The following PPARGC1B variants were observed in gnomAD, a reference collection of about 807,000 sequenced individuals.
PPARGC1B encodes peroxisome proliferator-activated receptor gamma coactivator 1-beta.
A neutral mutation model predicts 101.6 loss-of-function variants in PPARGC1B; 34 were observed. That is an observed-to-expected ratio of 0.33 (90% CI 0.25 to 0.45). The LOEUF (loss-of-function observed/expected upper bound fraction) is 0.45. Ranked by LOEUF, PPARGC1B falls within the 20% of genes least tolerant of loss-of-function variation. The pLI is 1.00. For synonymous variants in PPARGC1B, 548 were observed against 539.3 expected (o/e 1.02, Z -0.22); for missense variants, 1,234 against 1,317.6 (o/e 0.94, Z 0.98).
intron 1 of PPARGC1B, among the ~76,000 whole-genome samples, chr5:149,745,269 T>C (rs986314727): frequency 6.6e-6 from 1 of 152,100 alleles, no homozygotes; most frequent in Non-Finnish European, 1.5e-5. Flanking sequence ...GTTAGCCAGC[T>C]CCCAAATGGG....
At chr5:149,810,409 G>A (rs1479500484) in intron 1 of PPARGC1B, among the ~76,000 whole-genome samples, 1 of 152,222 alleles carries the variant, frequency 6.6e-6, no homozygotes, top group Non-Finnish European at 1.5e-5. Context: ...AGGTGGGGTG[G>A]GGGGCCTAGC....
intron 1 of PPARGC1B, chr5:149,732,739 C>T (rs1754549804): frequency 2.1e-6 from 1 of 466,504 alleles, no homozygotes; most frequent in South Asian, 1.6e-5. Flanking sequence ...CAGTGTGCTC[C>T]TCCTTATTTT....
rs565124368 is a variant in PPARGC1B at position 149,842,289 on chromosome 5, T to C, written c.2728T>C (p.Ser910Pro). 6.2e-7 allele frequency: 1 copy of C among 1,614,028 alleles called. No homozygotes were observed. The highest frequency in any genetic ancestry group is 1.1e-5 in the South Asian group (1 of 91,070). ...CCGCGTGGTGTACATTCAAAATCTC[T>C]CCAGCGACATGAGCTCCCGAGAGCT... Reference protein sequence around the residue: ...EGRVVYIQNLSSDMSSRELKR... With the variant: ...EGRVVYIQNLPSDMSSRELKR... Residue 910 changes from serine (S) to proline (P), a missense_variant, in exon 10 of 12, where the codon TCC (serine) becomes CCC (proline). This residue lies in a region of PPARGC1B where 497 missense variants were observed against 529.5 expected (regional missense o/e 0.94). Transcript: ENST00000309241.
chr5:149,797,235 G>T (rs1046021149), intron 1 of PPARGC1B, among the ~76,000 whole-genome samples: 2 of 152,226 alleles, frequency 1.3e-5, no homozygotes, highest in Non-Finnish European at 2.9e-5. Flanking sequence ...TTGACAGTGT[G>T]CCAGGCACTG....
intron 1 of PPARGC1B, among the ~76,000 whole-genome samples, chr5:149,764,229 G>C (rs1335225193): frequency 6.6e-6 from 1 of 152,204 alleles, no homozygotes; most frequent in African/African-American, 2.4e-5. Context: ...AGGGCAGAGG[G>C]GGCCTGGATT....
At chr5:149,789,256 A>G (rs142730133) in intron 1 of PPARGC1B, among the ~76,000 whole-genome samples, 187 of 152,304 alleles carry the variant, frequency 1.2e-3, no homozygotes, top group African/African-American at 4.3e-3. Flanking sequence ...TACTTTAGAC[A>G]TGAATCAACT....
intron 1 of PPARGC1B, among the ~76,000 whole-genome samples, chr5:149,802,071 C>T (rs1045960608): frequency 1.3e-5 from 2 of 152,212 alleles, no homozygotes; most frequent in African/African-American, 4.8e-5. Context: ...CCCCGAGCTC[C>T]TCTGGTTGAC....
intron 1 of PPARGC1B, among the ~76,000 whole-genome samples, chr5:149,812,066 G>A (rs898723763): frequency 2.0e-5 from 3 of 152,220 alleles, no homozygotes; most frequent in Admixed American, 2.0e-4. Context: ...TTGGAGCCCG[G>A]CTGTGAAGGG....
intron 9 of PPARGC1B, 105 bp from the exon 10 acceptor site, chr5:149,842,151 C>T: frequency 1.4e-6 from 2 of 1,425,194 alleles, no homozygotes; most frequent in Non-Finnish European, 1.9e-6. Flanking sequence ...CTCACTCAGC[C>T]AGGCATCATG....
intron 1 of PPARGC1B, among the ~76,000 whole-genome samples, chr5:149,745,620 C>T (rs1042390809): frequency 6.6e-6 from 1 of 152,122 alleles, no homozygotes; most frequent in Non-Finnish European, 1.5e-5. Context: ...GATCGAAAGC[C>T]TCTTTATAAT....
intron 1 of PPARGC1B, among the ~76,000 whole-genome samples, chr5:149,795,385 G>A (rs576437726): frequency 2.6e-5 from 4 of 152,274 alleles, no homozygotes; most frequent in Admixed American, 2.6e-4. Context: ...TAAAGCATAA[G>A]GTGGGGCATT....
At chr5:149,810,747 C>T (rs559562521) in intron 1 of PPARGC1B, among the ~76,000 whole-genome samples, 27 of 152,222 alleles carry the variant, frequency 1.8e-4, no homozygotes, top group African/African-American at 6.3e-4. Flanking sequence ...CGGGAGATCC[C>T]GGTTTGTGTT....
At chr5:149,813,129 G>C (rs556428067) in intron 1 of PPARGC1B, among the ~76,000 whole-genome samples, 1 of 152,254 alleles carries the variant, frequency 6.6e-6, no homozygotes, top group Non-Finnish European at 1.5e-5. Flanking sequence ...GCAGGGTGTC[G>C]GGCTGGGATC....
intron 1 of PPARGC1B, among the ~76,000 whole-genome samples, chr5:149,819,012 C>A (rs568457528): frequency 1.3e-5 from 2 of 152,340 alleles, no homozygotes; most frequent in South Asian, 4.1e-4. Context: ...CAGGCTATTT[C>A]TGAATCTGTA....
In PPARGC1B at chr5:149,754,774, ATTTTTTTTTTTT is replaced by A. The variant is rs10560122; in HGVS notation, c.78+24369_78+24380del. Among the ~76,000 whole-genome samples, 408 of 68,468 alleles carry A rather than the reference ATTTTTTTTTTTT, an allele frequency of 6.0e-3. 1 individual carries two copies. The highest frequency in any genetic ancestry group is 0.012 in the Admixed American group (65 of 5,236). The allele number at this position is 68,468 out of a possible 152,430, so 44.9% of individuals were successfully genotyped here. ...CTGCAGTTTCTTCCAGAGCATCCTG[ATTTTTTTTTTTT>A]TTTTTTTTTTTTTTAGACAGAGTCT... On this transcript the variant is annotated intron_variant, in intron 1 of 11. Transcript: ENST00000309241.
At chr5:149,744,500 T>A (rs1755019529) in intron 1 of PPARGC1B, among the ~76,000 whole-genome samples, 2 of 152,156 alleles carry the variant, frequency 1.3e-5, no homozygotes, top group South Asian at 4.1e-4. Context: ...GTGAAGACAG[T>A]GTATCGTGTC....
intron 1 of PPARGC1B, among the ~76,000 whole-genome samples, chr5:149,754,774 ATTTTTTTTTTTTT>A (rs10560122): frequency 2.1e-3 from 144 of 68,472 alleles, no homozygotes; most frequent in Non-Finnish European, 3.3e-3. Context: ...GAGCATCCTG[ATTTTTTTTTTTTT>A]TTTTTTTTTT....
rs1759682483 is a variant in PPARGC1B at position 149,849,175 on chromosome 5, CT to C, written c.*1619del. On this transcript the variant is annotated 3_prime_UTR_variant, in exon 12 of 12. Transcript: ENST00000309241. ...CTAAACAGGCTAATGTAATTTGTTG[CT>C]TATGCCAAGCCTAGACTGTTGAGAA... The C allele has an allele frequency of 6.6e-6, 1 of 152,054 alleles. No individual in the cohort carries two copies. Among genetic ancestry groups the C allele is most frequent in the Non-Finnish European group, 1.5e-5 (1 of 68,030 alleles). 9.4% of individuals were successfully genotyped at this position (152,054 alleles called of 1,614,324 possible).
At chr5:149,785,915 C>CTTTTTTTT (rs10622982) in intron 1 of PPARGC1B, among the ~76,000 whole-genome samples, 2 of 140,398 alleles carry the variant, frequency 1.4e-5, no homozygotes, top group Admixed American at 7.1e-5. Context: ...GACACTCATT[C>CTTTTTTTT]TTTTTTTTTT....
Sources: allele counts gnomAD v4.1 joint callset (sites outside exome capture counted in the v4.1 genomes callset), GRCh38; gene constraint gnomAD v4.1.1; regional missense constraint gnomAD v4.1.1; transcripts MANE v1.5; gene names NCBI Gene and HGNC (gene_info 2026-07-23, HGNC 2026-07-21).